Variants in INVS observed in about 807,000 individuals in gnomAD.
INVS encodes inversin.
In INVS, 86 loss-of-function variants were observed where a neutral mutation model predicts 108.8. The observed-to-expected ratio is 0.79, with a 90% CI of 0.66 to 0.95. The LOEUF (loss-of-function observed/expected upper bound fraction) is 0.95, where lower values mean the gene tolerates loss of function less well. Ranked by LOEUF, INVS falls within the 40% of genes least tolerant of loss-of-function variation. INVS has a pLI of 0.00. For missense variants in INVS, 1,169 were observed against 1,297.4 expected, an observed-to-expected ratio of 0.90 and a Z score of 1.52; for synonymous variants, 455 against 473.5, an observed-to-expected ratio of 0.96 and a Z score of 0.51.
intron 12 of INVS, among the ~76,000 whole-genome samples, chr9:100,278,741 C>G (rs1833187317): frequency 6.6e-6 from 1 of 152,142 alleles, no homozygotes. Flanking sequence ...CGTGACTCTC[C>G]GTAAGTGTAG....
At chr9:100,232,588 A>G (rs1831547614) in intron 5 of INVS, among the ~76,000 whole-genome samples, 1 of 152,118 alleles carries the variant, frequency 6.6e-6, no homozygotes. Context: ...CCAGTTTTCC[A>G]AACAACATTT....
intron 6 of INVS, among the ~76,000 whole-genome samples, chr9:100,241,450 A>G (rs1229373055): frequency 6.6e-6 from 1 of 151,886 alleles, no homozygotes; most frequent in Non-Finnish European, 1.5e-5. Flanking sequence ...TTTTCTTCTT[A>G]GAATACCCTG....
intron 10 of INVS, among the ~76,000 whole-genome samples, chr9:100,262,026 T>C (rs1391415110): frequency 6.7e-6 from 1 of 149,138 alleles, no homozygotes; most frequent in East Asian, 1.9e-4. Flanking sequence ...ATATGGCAAA[T>C]TACATTGACT....
At chr9:100,210,733 T>C (rs1830806572) in intron 3 of INVS, among the ~76,000 whole-genome samples, 1 of 152,212 alleles carries the variant, frequency 6.6e-6, no homozygotes, top group Non-Finnish European at 1.5e-5. Flanking sequence ...GCATGGAGTC[T>C]GATACAGAGT....
intron 3 of INVS, among the ~76,000 whole-genome samples, chr9:100,139,789 G>A (rs949580619): frequency 7.2e-5 from 11 of 152,042 alleles, no homozygotes; most frequent in African/African-American, 1.7e-4. Context: ...CTATAGGCAC[G>A]TACCACTACG....
At chr9:100,226,488 C>T (rs571220575) in intron 4 of INVS, among the ~76,000 whole-genome samples, 7 of 152,070 alleles carry the variant, frequency 4.6e-5, no homozygotes, top group Admixed American at 3.3e-4. Context: ...AAAGTTTGCC[C>T]AAGATGCAAG....
chr9:100,175,885 A>G, intron 3 of INVS: 1 of 605,694 alleles, frequency 1.7e-6, no homozygotes, highest in Non-Finnish European at 3.1e-6. Context: ...AATCTCTGCA[A>G]GTCCTGCATG....
intron 3 of INVS, among the ~76,000 whole-genome samples, chr9:100,201,246 A>C (rs1830522234): frequency 6.6e-6 from 1 of 152,198 alleles, no homozygotes; most frequent in Admixed American, 6.5e-5. Flanking sequence ...GGAAACTTGA[A>C]CTTTAAAAAC....
At chr9:100,272,425 A>G (rs1832986212) in intron 11 of INVS, among the ~76,000 whole-genome samples, 1 of 152,198 alleles carries the variant, frequency 6.6e-6, no homozygotes, top group African/African-American at 2.4e-5. Context: ...CATTCTTATC[A>G]TATACTGAAT....
chr9:100,174,049 A>T (rs1026404866), intron 3 of INVS, among the ~76,000 whole-genome samples: 6 of 152,254 alleles, frequency 3.9e-5, no homozygotes, highest in African/African-American at 1.4e-4. Context: ...TCAGTGTCTA[A>T]GATATTCTCA....
chr9:100,154,723 A>G (rs974518167), intron 3 of INVS, among the ~76,000 whole-genome samples: 1 of 152,084 alleles, frequency 6.6e-6, no homozygotes, highest in African/African-American at 2.4e-5. Context: ...CCTTTTTTCC[A>G]GGAAAGAGGA....
At chr9:100,247,242 C>T (rs1439221013) in intron 8 of INVS, among the ~76,000 whole-genome samples, 1 of 152,116 alleles carries the variant, frequency 6.6e-6, no homozygotes, top group African/African-American at 2.4e-5. Context: ...ATAGCATTAC[C>T]ACATCCTGAA....
intron 12 of INVS, among the ~76,000 whole-genome samples, chr9:100,280,519 G>T (rs1833243774): frequency 6.6e-6 from 1 of 152,110 alleles, no homozygotes; most frequent in African/African-American, 2.4e-5. Context: ...AGAGTGAAAG[G>T]TGGGACTAGT....
At chr9:100,111,050 C>T (rs1475354669) in intron 2 of INVS, among the ~76,000 whole-genome samples, 2 of 152,162 alleles carry the variant, frequency 1.3e-5, no homozygotes, top group Non-Finnish European at 2.9e-5. Flanking sequence ...CCATTGTTCC[C>T]ATGTTGTCAC....
intron 5 of INVS, 112 bp downstream of exon 5, chr9:100,229,939 G>A (rs1831453726): frequency 1.0e-6 from 1 of 992,666 alleles, no homozygotes; most frequent in Admixed American, 2.0e-5. Flanking sequence ...TTAAGCAAAA[G>A]AATACAACAG....
chr9:100,117,054 A>G (rs2485746), intron 2 of INVS: 799,475 of 1,283,506 alleles, frequency 0.62, 256,727 homozygotes, highest in East Asian at 0.93. Context: ...GGGATGAGGC[A>G]CACCAGCACA....
intron 3 of INVS, among the ~76,000 whole-genome samples, chr9:100,207,752 G>A (rs1328556764): frequency 1.3e-5 from 2 of 152,116 alleles, no homozygotes; most frequent in Admixed American, 6.5e-5. Flanking sequence ...TAGGCTTAGG[G>A]TAATAAAATT....
intron 5 of INVS, among the ~76,000 whole-genome samples, chr9:100,232,945 C>T (rs1053289407): frequency 7.2e-5 from 11 of 152,150 alleles, no homozygotes; most frequent in African/African-American, 2.7e-4. Flanking sequence ...TTACTTTGGG[C>T]AGTATGGCCA....
At chr9:100,117,362 G>C in intron 2 of INVS, 1 of 752,190 alleles carries the variant, frequency 1.3e-6, no homozygotes, top group African/African-American at 1.7e-5. Flanking sequence ...AATGATCTCA[G>C]ATTCATTAAT....
Sources: allele counts gnomAD v4.1 joint callset (sites outside exome capture counted in the v4.1 genomes callset), GRCh38; gene constraint gnomAD v4.1.1; transcripts MANE v1.5; gene names NCBI Gene and HGNC (gene_info 2026-07-23, HGNC 2026-07-21).